The following TMEM232 variants were observed in gnomAD, a reference collection of about 807,000 sequenced individuals.
TMEM232 encodes the protein transmembrane protein 232.
TMEM232 carries 80 observed loss-of-function variants against 78.8 expected under a neutral mutation model. That is an observed-to-expected ratio of 1.01 (90% CI 0.85 to 1.22). The LOEUF (loss-of-function observed/expected upper bound fraction) is 1.22, where lower values mean the gene tolerates loss of function less well. Among genes scored for constraint, TMEM232 ranks in the 50% most tolerant of loss-of-function variants. The probability of loss-of-function intolerance (pLI) is 0.00; values close to 1 mark genes in which losing one functional copy is unlikely to be tolerated. For synonymous variants in TMEM232, 297 were observed against 254.3 expected, an observed-to-expected ratio of 1.17 and a Z score of -1.60; for missense variants, 881 against 742.2, an observed-to-expected ratio of 1.19 and a Z score of -2.17.
chr5:110,730,537 T>A (rs1798579177), upstream of TMEM232, among the ~76,000 whole-genome samples: 1 of 152,130 alleles, frequency 6.6e-6, no homozygotes, highest in Admixed American at 6.5e-5. Context: ...CAAAATGAGG[T>A]TTAATTGGAC....
chr5:110,719,393 T>C (rs1045651030), intron 1 of TMEM232, among the ~76,000 whole-genome samples: 8 of 152,164 alleles, frequency 5.3e-5, no homozygotes, highest in African/African-American at 1.7e-4. Flanking sequence ...TCTTTAAACA[T>C]GGTTTCATTT....
intron 12 of TMEM232, among the ~76,000 whole-genome samples, chr5:110,527,839 A>G (rs1770823039): frequency 6.6e-6 from 1 of 152,002 alleles, no homozygotes; most frequent in African/African-American, 2.4e-5. Context: ...AAATATAACA[A>G]TATATTCTTC....
At chr5:110,557,239 C>G (rs1775205730) in intron 11 of TMEM232, among the ~76,000 whole-genome samples, 1 of 152,138 alleles carries the variant, frequency 6.6e-6, no homozygotes, top group Admixed American at 6.6e-5. Context: ...TTTGTTCTTT[C>G]TTAAAACGGC....
chr5:110,731,879 A>G (rs897027600), intron 2 of TMEM232, among the ~76,000 whole-genome samples: 1 of 152,130 alleles, frequency 6.6e-6, no homozygotes, highest in African/African-American at 2.4e-5. Context: ...TTTCTCCTCA[A>G]AAAATAGGTT....
chr5:110,399,233 G>T (rs1755501985), intron 2 of TMEM232, among the ~76,000 whole-genome samples: 1 of 151,982 alleles, frequency 6.6e-6, no homozygotes, highest in Non-Finnish European at 1.5e-5. Flanking sequence ...CATTAATCCT[G>T]CTGTCAGGAG....
chr5:110,507,417 T>C (rs2149458469), intron 12 of TMEM232, among the ~76,000 whole-genome samples: 1 of 152,290 alleles, frequency 6.6e-6, no homozygotes, highest in East Asian at 1.9e-4. Flanking sequence ...CTCCACCATC[T>C]TCACCACCAC....
Position 110,461,788 on chromosome 5 carries a change from T to C in TMEM232, c.1704-36872A>G, listed in dbSNP as rs538755039. On this transcript the variant is annotated intron_variant, in intron 12 of 13. Coordinates refer to ENST00000455884, the MANE Select transcript of TMEM232 (RefSeq NM_001039763.4). ...AGAATTATGCTAAATCTACTTTGCC[T>C]ATGCTCTAAATATAGTTTAACAAAG... 4.6e-5 allele frequency among the ~76,000 whole-genome samples: 7 copies of C among 152,322 alleles called. No individual in the cohort carries two copies. In the South Asian group the frequency reaches 1.5e-3, roughly 32 times the overall value.
intron 10 of TMEM232, among the ~76,000 whole-genome samples, chr5:110,595,390 T>C (rs1477229828): frequency 1.3e-5 from 2 of 152,056 alleles, no homozygotes; most frequent in Non-Finnish European, 2.9e-5. Flanking sequence ...GCAACTCCTT[T>C]CCAACAAGGG....
intron 10 of TMEM232, among the ~76,000 whole-genome samples, chr5:110,573,837 G>T (rs1426364597): frequency 6.6e-6 from 1 of 152,056 alleles, no homozygotes; most frequent in Admixed American, 6.6e-5. Flanking sequence ...TTTGAACCTA[G>T]AATAGCTTGC....
chr5:110,394,495 T>C (rs1479480159), intron 3 of TMEM232, among the ~76,000 whole-genome samples: 1 of 152,224 alleles, frequency 6.6e-6, no homozygotes, highest in East Asian at 1.9e-4. Flanking sequence ...TTTTAGTTTT[T>C]TGAGGAACTT....
At chr5:110,456,362 T>C (rs1053929964) in intron 12 of TMEM232, among the ~76,000 whole-genome samples, 11 of 152,034 alleles carry the variant, frequency 7.2e-5, no homozygotes, top group Admixed American at 3.3e-4. Context: ...AGAATCTATA[T>C]GCAACAAAGT....
intron 12 of TMEM232, among the ~76,000 whole-genome samples, chr5:110,466,850 C>T (rs557078363): frequency 2.0e-4 from 30 of 151,878 alleles, no homozygotes; most frequent in Admixed American, 7.2e-4. Flanking sequence ...CTCCTGACCT[C>T]GTGACCTGGC....
chr5:110,571,251 A>T (rs1367627394), intron 10 of TMEM232, among the ~76,000 whole-genome samples: 1 of 152,066 alleles, frequency 6.6e-6, no homozygotes, highest in East Asian at 1.9e-4. Context: ...CAAAGTGCCT[A>T]CAACAAAGTA....
At chr5:110,414,473 A>G (rs1194721738) in intron 2 of TMEM232, among the ~76,000 whole-genome samples, 1 of 152,208 alleles carries the variant, frequency 6.6e-6, no homozygotes, top group Non-Finnish European at 1.5e-5. Context: ...ATCAGTTCAT[A>G]TATATGTTGC....
intron 2 of TMEM232, among the ~76,000 whole-genome samples, chr5:110,404,988 C>A (rs1755732434): frequency 6.6e-6 from 1 of 152,062 alleles, no homozygotes; most frequent in African/African-American, 2.4e-5. Flanking sequence ...GTTTCTCTGT[C>A]TGAATATTAT....
chr5:110,509,131 A>G (rs1767383526), intron 12 of TMEM232, among the ~76,000 whole-genome samples: 1 of 150,400 alleles, frequency 6.6e-6, no homozygotes. Flanking sequence ...CATAAATCTT[A>G]TTTAAAAAAA....
chr5:110,532,278 C>T (rs1771621484), intron 11 of TMEM232, among the ~76,000 whole-genome samples: 1 of 151,976 alleles, frequency 6.6e-6, no homozygotes, highest in South Asian at 2.1e-4. Context: ...CTCTGACTGA[C>T]TCCTTCCCAG....
At chr5:110,664,688 T>C (rs1790313579) in intron 2 of TMEM232, among the ~76,000 whole-genome samples, 1 of 152,220 alleles carries the variant, frequency 6.6e-6, no homozygotes, top group Non-Finnish European at 1.5e-5. Flanking sequence ...GGGCTGGTTT[T>C]GGTGAGGGCT....
At chr5:110,529,674 T>TA (rs371217202) in intron 11 of TMEM232, among the ~76,000 whole-genome samples, 22 of 151,978 alleles carry the variant, frequency 1.4e-4, no homozygotes, top group African/African-American at 3.4e-4. Context: ...AATCAAAATG[T>TA]AAAAAAAATA....
Sources: allele counts gnomAD v4.1 joint callset (sites outside exome capture counted in the v4.1 genomes callset), GRCh38; gene constraint gnomAD v4.1.1; transcripts MANE v1.5; gene names NCBI Gene and HGNC (gene_info 2026-07-23, HGNC 2026-07-21).